GABBR2: variants seen among roughly 807,000 people sequenced by gnomAD.
The protein encoded by GABBR2 is gamma-aminobutyric acid type B receptor subunit 2.
GABBR2 carries 23 observed loss-of-function variants against 105.6 expected under a neutral mutation model. The observed-to-expected ratio is 0.22, with a 90% CI of 0.16 to 0.31. The LOEUF (loss-of-function observed/expected upper bound fraction) is 0.31, where lower values mean the gene tolerates loss of function less well. GABBR2 is among the 10% of genes least tolerant of loss of function. GABBR2 has a pLI of 1.00. For missense variants in GABBR2, 734 were observed against 1,245.5 expected (o/e 0.59, Z 6.18); for synonymous variants, 478 against 499.7 (o/e 0.96, Z 0.58).
chr9:98,461,095 T>C (rs1163266474), intron 6 of GABBR2, among the ~76,000 whole-genome samples: 1 of 152,228 alleles, frequency 6.6e-6, no homozygotes, highest in East Asian at 1.9e-4. Flanking sequence ...GCCAGACACT[T>C]GGAAGATTTG....
At chr9:98,340,560 C>T (rs983373282) in intron 13 of GABBR2, among the ~76,000 whole-genome samples, 3 of 152,098 alleles carry the variant, frequency 2.0e-5, no homozygotes, top group Non-Finnish European at 2.9e-5. Flanking sequence ...ACGCCTGGCT[C>T]ATGCCTGTGT....
At chr9:98,434,118 A>G (rs1825861460) in intron 7 of GABBR2, among the ~76,000 whole-genome samples, 1 of 152,168 alleles carries the variant, frequency 6.6e-6, no homozygotes, top group Non-Finnish European at 1.5e-5. Flanking sequence ...AGGCAGAAGA[A>G]CGTGAAAAGC....
chr9:98,521,037 A>C (rs146541468), intron 3 of GABBR2, among the ~76,000 whole-genome samples: 25 of 152,354 alleles, frequency 1.6e-4, no homozygotes, highest in African/African-American at 5.3e-4. Context: ...TATATACCAA[A>C]GTACAAAGTA....
intron 10 of GABBR2, among the ~76,000 whole-genome samples, chr9:98,386,152 T>A (rs1358082304): frequency 1.3e-5 from 2 of 152,146 alleles, no homozygotes; most frequent in Non-Finnish European, 2.9e-5. Context: ...AGGGACAGCT[T>A]GTCACATCAG....
At chr9:98,566,302 T>TA (rs1373506713) in intron 2 of GABBR2, among the ~76,000 whole-genome samples, 2 of 152,108 alleles carry the variant, frequency 1.3e-5, no homozygotes, top group Admixed American at 6.5e-5. Context: ...ACCACTGCCA[T>TA]AAAAAAAGCC....
intron 1 of GABBR2, among the ~76,000 whole-genome samples, chr9:98,663,125 G>A (rs941583345): frequency 1.2e-4 from 18 of 152,140 alleles, no homozygotes; most frequent in African/African-American, 4.1e-4. Context: ...CCTGGCCTAC[G>A]CTAAGTGAAG....
At chr9:98,563,684 A>G (rs768386031) in intron 2 of GABBR2, among the ~76,000 whole-genome samples, 11 of 152,222 alleles carry the variant, frequency 7.2e-5, no homozygotes, top group Non-Finnish European at 1.3e-4. Context: ...CATGGGGAAA[A>G]TAGAGAAAAT....
chr9:98,383,849 C>T (rs1285031792), intron 11 of GABBR2, among the ~76,000 whole-genome samples: 4 of 152,142 alleles, frequency 2.6e-5, no homozygotes, highest in East Asian at 3.9e-4. Flanking sequence ...GAGGGACTGG[C>T]CTGGACTCAG....
chr9:98,573,913 A>G (rs1169827899), intron 2 of GABBR2, among the ~76,000 whole-genome samples: 1 of 152,222 alleles, frequency 6.6e-6, no homozygotes, highest in East Asian at 1.9e-4. Flanking sequence ...ACAAGAACCA[A>G]TGTTTACTCC....
chr9:98,570,655 G>T (rs867004377), intron 2 of GABBR2, among the ~76,000 whole-genome samples: 4 of 152,270 alleles, frequency 2.6e-5, no homozygotes, highest in Middle Eastern at 3.4e-3. Context: ...CTGCAGGACT[G>T]CCCCAAAAAC....
At chr9:98,481,149 C>A in intron 4 of GABBR2, 152 bp from the exon 5 acceptor site, 1 of 642,668 alleles carries the variant, frequency 1.6e-6, no homozygotes, top group African/African-American at 1.8e-5. Context: ...ACCCCCAACC[C>A]CAGCCCAGCC....
intron 1 of GABBR2, among the ~76,000 whole-genome samples, chr9:98,637,174 AG>A (rs1206190148): frequency 6.6e-6 from 1 of 152,158 alleles, no homozygotes; most frequent in African/African-American, 2.4e-5. Flanking sequence ...AGTGAGTCCA[AG>A]TAAAATCTAA....
intron 2 of GABBR2, among the ~76,000 whole-genome samples, chr9:98,575,304 T>C (rs1828891466): frequency 6.6e-6 from 1 of 152,002 alleles, no homozygotes; most frequent in African/African-American, 2.4e-5. Flanking sequence ...ATACACTGGG[T>C]ATAGGAAGAA....
rs1830497282 is a variant in GABBR2, at chr9:98,303,226, T to C, written c.2412+15A>G. On this transcript the variant is annotated intron_variant, in intron 16 of 18. Coordinates refer to ENST00000259455, the MANE Select transcript of GABBR2 (RefSeq NM_005458.8). ...TGGCAGACAGGGCCCAGCTACCAGATGCAGAGGGAGGTACCTCTGTGATCT... is the reference window on the plus strand; with the variant it reads ...TGGCAGACAGGGCCCAGCTACCAGACGCAGAGGGAGGTACCTCTGTGATCT... 1.9e-6 allele frequency: 3 copies of C among 1,607,894 alleles called. No homozygotes were observed. The highest frequency in any genetic ancestry group is 2.6e-6 in the Non-Finnish European group (3 of 1,175,098).
intron 2 of GABBR2, among the ~76,000 whole-genome samples, chr9:98,544,242 C>A (rs569263607): frequency 2.6e-4 from 39 of 152,314 alleles, no homozygotes; most frequent in African/African-American, 9.1e-4. Context: ...TGCTTTACCG[C>A]TTCTTCTGTC....
chr9:98,323,557 T>C (rs1273319948), intron 13 of GABBR2, among the ~76,000 whole-genome samples: 3 of 152,210 alleles, frequency 2.0e-5, no homozygotes, highest in African/African-American at 7.2e-5. Context: ...GGCCTTGGGC[T>C]TGGGGTCAGA....
chr9:98,412,918 T>A (rs996412007), intron 7 of GABBR2, among the ~76,000 whole-genome samples: 10 of 152,232 alleles, frequency 6.6e-5, no homozygotes, highest in African/African-American at 2.2e-4. Flanking sequence ...TCAGAGCCTT[T>A]TAGTCCAATC....
intron 7 of GABBR2, among the ~76,000 whole-genome samples, chr9:98,410,374 A>G (rs1417174773): frequency 1.3e-5 from 2 of 150,144 alleles, no homozygotes; most frequent in Admixed American, 1.3e-4. Context: ...ACTCTTCTAC[A>G]CTCTCCTCCT....
chr9:98,497,689 G>A (rs1224205389), intron 3 of GABBR2, among the ~76,000 whole-genome samples: 6 of 152,176 alleles, frequency 3.9e-5, no homozygotes, highest in Admixed American at 2.0e-4. Flanking sequence ...AGCACTTCTT[G>A]TTCACACCCA....
Sources: gnomAD v4.1 joint callset for allele counts (sites outside exome capture counted in the v4.1 genomes callset) on GRCh38, gnomAD v4.1.1 for gene constraint, MANE v1.5 for transcripts, NCBI Gene and HGNC (gene_info 2026-07-23, HGNC 2026-07-21) for gene names.